The following GRM5 variants were observed in gnomAD, a reference collection of about 807,000 sequenced individuals.
GRM5 encodes the protein metabotropic glutamate receptor 5.
In GRM5, 19 loss-of-function variants were observed where a neutral mutation model predicts 83.1. The observed-to-expected ratio is 0.23, with a 90% CI of 0.16 to 0.34. The LOEUF (loss-of-function observed/expected upper bound fraction) is 0.34, where lower values mean the gene tolerates loss of function less well. GRM5 is among the 10% of genes least tolerant of loss of function. The pLI, the probability that GRM5 is intolerant of heterozygous loss-of-function variation, is 1.00. For synonymous variants in GRM5, 675 were observed against 633.6 expected, an observed-to-expected ratio of 1.07 and a Z score of -0.98; for missense variants, 1,160 against 1,588.3, an observed-to-expected ratio of 0.73 and a Z score of 4.58.
chr11:88,955,551 C>T (rs1938583593), intron 2 of GRM5, among the ~76,000 whole-genome samples: 1 of 152,190 alleles, frequency 6.6e-6, no homozygotes, highest in Admixed American at 6.5e-5. Context: ...TTTCTCCACT[C>T]TCAACTTCTT....
At chr11:88,897,692 C>T (rs1160871096) in intron 2 of GRM5, among the ~76,000 whole-genome samples, 1 of 151,792 alleles carries the variant, frequency 6.6e-6, no homozygotes, top group Non-Finnish European at 1.5e-5. Flanking sequence ...GGAAAGACCA[C>T]CTGAAAATAT....
intron 3 of GRM5, among the ~76,000 whole-genome samples, chr11:88,680,564 C>T (rs546333501): frequency 1.1e-4 from 16 of 152,322 alleles, no homozygotes; most frequent in Middle Eastern, 6.8e-3. Flanking sequence ...TTGTGGAAGA[C>T]AGTGTGGCGA....
intron 2 of GRM5, among the ~76,000 whole-genome samples, chr11:88,856,294 G>A (rs1388498751): frequency 6.6e-6 from 1 of 151,790 alleles, no homozygotes; most frequent in East Asian, 1.9e-4. Flanking sequence ...TAATGTTGTT[G>A]TTTTTGTTTT....
intron 2 of GRM5, among the ~76,000 whole-genome samples, chr11:88,995,862 T>C (rs1238422717): frequency 1.3e-5 from 2 of 152,136 alleles, no homozygotes; most frequent in African/African-American, 4.8e-5. Context: ...TGATTACATA[T>C]TGGGGCTCTG....
intron 3 of GRM5, among the ~76,000 whole-genome samples, chr11:88,756,886 T>C (rs986992761): frequency 6.6e-6 from 1 of 152,094 alleles, no homozygotes; most frequent in African/African-American, 2.4e-5. Flanking sequence ...AACAAATGGC[T>C]GAAAACTTCA....
chr11:88,819,870 T>C (rs1027403146), intron 3 of GRM5, among the ~76,000 whole-genome samples: 4 of 152,052 alleles, frequency 2.6e-5, no homozygotes, highest in Admixed American at 1.3e-4. Flanking sequence ...AGCAAATATG[T>C]GTGCGAGAGA....
chr11:88,616,334 G>C (rs1938480864), intron 4 of GRM5, among the ~76,000 whole-genome samples: 1 of 149,084 alleles, frequency 6.7e-6, no homozygotes. Context: ...AAGGGGAAGA[G>C]AAATAGGATA....
chr11:88,701,017 T>A (rs1220526885), intron 3 of GRM5, among the ~76,000 whole-genome samples: 1 of 152,036 alleles, frequency 6.6e-6, no homozygotes, highest in Non-Finnish European at 1.5e-5. Flanking sequence ...CCCATTTGGG[T>A]TTTCTGTGCT....
At chr11:88,685,198 G>A (rs1940589669) in intron 3 of GRM5, among the ~76,000 whole-genome samples, 2 of 152,170 alleles carry the variant, frequency 1.3e-5, no homozygotes, top group South Asian at 2.1e-4. Flanking sequence ...AGATGGAGAT[G>A]AGGAACTTGT....
At chr11:88,858,667 G>C (rs5009091) in intron 2 of GRM5, among the ~76,000 whole-genome samples, 2 of 152,078 alleles carry the variant, frequency 1.3e-5, no homozygotes, top group South Asian at 4.1e-4. Context: ...CCCTGGAATC[G>C]AAAGTTGATT....
intron 4 of GRM5, among the ~76,000 whole-genome samples, chr11:88,614,536 G>C (rs1938416813): frequency 6.6e-6 from 1 of 152,046 alleles, no homozygotes; most frequent in South Asian, 2.1e-4. Flanking sequence ...ATTTATGCCT[G>C]GTCCACAATA....
intron 2 of GRM5, among the ~76,000 whole-genome samples, chr11:88,940,401 T>A (rs1466514111): frequency 6.6e-6 from 1 of 151,332 alleles, no homozygotes; most frequent in Non-Finnish European, 1.5e-5. Flanking sequence ...TTTCTTTTTT[T>A]TGTCATTTGC....
chr11:88,943,862 A>AT (rs1301951131), intron 2 of GRM5, among the ~76,000 whole-genome samples: 1 of 151,952 alleles, frequency 6.6e-6, no homozygotes, highest in African/African-American at 2.4e-5. Context: ...ACAAATTCAC[A>AT]TTTTCACTAC....
At chr11:89,035,652 A>G (rs1281130836) in intron 2 of GRM5, among the ~76,000 whole-genome samples, 1 of 152,002 alleles carries the variant, frequency 6.6e-6, no homozygotes, top group Non-Finnish European at 1.5e-5. Context: ...AGGTAGTATT[A>G]ATAATATATT....
At chr11:88,871,150 A>G (rs11021640) in intron 2 of GRM5, among the ~76,000 whole-genome samples, 3,843 of 151,764 alleles carry the variant, frequency 0.025, 172 homozygotes, top group African/African-American at 0.088. Flanking sequence ...GCTTTTATGC[A>G]CATAATCTCA....
chr11:88,586,125 C>T (rs531459543), intron 7 of GRM5, among the ~76,000 whole-genome samples: 1 of 151,722 alleles, frequency 6.6e-6, no homozygotes, highest in South Asian at 2.1e-4. Flanking sequence ...CACACACACA[C>T]ACATATTCAC....
At chr11:89,009,098 C>A in intron 2 of GRM5, 1 of 734,062 alleles carries the variant, frequency 1.4e-6, no homozygotes, top group Non-Finnish European at 2.5e-6. Context: ...TGTCCCTCTA[C>A]CTAAAAATAA....
intron 2 of GRM5, among the ~76,000 whole-genome samples, chr11:88,883,226 T>C (rs1944990198): frequency 6.6e-6 from 1 of 152,170 alleles, no homozygotes; most frequent in Non-Finnish European, 1.5e-5. Flanking sequence ...ACAGTTTGGA[T>C]GGCTCAGAAG....
intron 2 of GRM5, among the ~76,000 whole-genome samples, chr11:88,863,170 A>T (rs1413805203): frequency 6.6e-6 from 1 of 152,174 alleles, no homozygotes; most frequent in Non-Finnish European, 1.5e-5. Flanking sequence ...GTGGGAATGT[A>T]AATTATTTCA....
Sources: gnomAD v4.1 joint callset for allele counts (sites outside exome capture counted in the v4.1 genomes callset) on GRCh38, gnomAD v4.1.1 for gene constraint, MANE v1.5 for transcripts, NCBI Gene and HGNC (gene_info 2026-07-23, HGNC 2026-07-21) for gene names.